Variants in FLRT2 observed in about 807,000 individuals in gnomAD.
FLRT2 encodes the protein fibronectin leucine rich transmembrane protein 2, also known as leucine-rich repeat transmembrane protein FLRT2.
In FLRT2, 15 loss-of-function variants were observed where a neutral mutation model predicts 40.0. The ratio of observed to expected loss-of-function variants is 0.38; its 90% CI spans 0.25 to 0.58. The LOEUF is 0.58. Among genes scored for constraint, FLRT2 ranks in the 20% least tolerant of loss-of-function variants. FLRT2 has a pLI of 0.71. For synonymous variants in FLRT2, 380 were observed against 336.8 expected (o/e 1.13, Z -1.41); for missense variants, 726 against 840.0 (o/e 0.86, Z 1.68).
At chr14:85,531,619 G>A (rs944561034) in intron 1 of FLRT2, among the ~76,000 whole-genome samples, 3 of 152,124 alleles carry the variant, frequency 2.0e-5, no homozygotes, top group Admixed American at 1.3e-4. Context: ...TACTGGTGGA[G>A]CTGAGGCCAC....
chr14:85,545,033 C>G (rs1285056590), intron 1 of FLRT2, among the ~76,000 whole-genome samples: 3 of 152,116 alleles, frequency 2.0e-5, no homozygotes, highest in Admixed American at 6.5e-5. Flanking sequence ...CGTGAAAAAA[C>G]ACATGAGATG....
Position 85,643,319 on chromosome 14 carries a change from C to CTTTA in FLRT2, c.*19825_*19826insATTT, listed in dbSNP as rs1566774427. 1.9e-5 allele frequency: 2 copies of CTTTA among 107,508 alleles called. No homozygotes were observed. Among genetic ancestry groups the CTTTA allele is most frequent in the African/African-American group, 4.0e-5 (1 of 24,868 alleles). 6.7% of individuals were successfully genotyped at this position (107,508 alleles called of 1,614,324 possible). A position where few individuals can be genotyped will look rare whatever the true frequency, so the allele number is the denominator to read the frequency against. On this transcript the variant is annotated 3_prime_UTR_variant, in exon 2 of 2. Transcript: ENST00000330753. ...TCTTTCTTTCTTTCTTTCTTTCTTTCTTTCTTTCTTTCTTTCTTTCTTTCT... is the reference window on the plus strand; with the variant it reads ...TCTTTCTTTCTTTCTTTCTTTCTTTCTTTATTTCTTTCTTTCTTTCTTTCTTTCT...
rs866997043 is a variant in FLRT2 at position 85,623,195 on chromosome 14, G to A, written c.1681G>A (p.Val561Ile). ...VIFVLVVLLS[V>I]FCWHMHKKGR... The stretch of plus-strand genomic sequence containing the variant: ...ATTTGTGCTGGTGGTCTTGCTCAGC[G>A]TCTTTTGCTGGCATATGCACAAAAA... Residue 561 changes from valine (V) to isoleucine (I), a missense_variant, in exon 2 of 2, where the codon GTC becomes ATC. By Grantham distance (29) the Val-to-Ile change is conservative. Coordinates refer to ENST00000330753, the MANE Select transcript of FLRT2 (RefSeq NM_013231.6). 3.2e-6 allele frequency: 5 copies of A among 1,545,254 alleles called. No individual in the cohort carries two copies. In the Middle Eastern group the frequency reaches 8.8e-4, roughly 271 times the overall value.
At chr14:85,546,967 C>G (rs1464935982) in intron 1 of FLRT2, among the ~76,000 whole-genome samples, 1 of 152,146 alleles carries the variant, frequency 6.6e-6, no homozygotes, top group Non-Finnish European at 1.5e-5. Flanking sequence ...GTCACGTGTT[C>G]TGTCACTAGT....
chr14:85,556,438 G>A (rs764656899), intron 1 of FLRT2, among the ~76,000 whole-genome samples: 6 of 152,156 alleles, frequency 3.9e-5, no homozygotes, highest in Non-Finnish European at 7.3e-5. Flanking sequence ...GCTTGCCTGG[G>A]CTTGATCTGG....
intron 1 of FLRT2, among the ~76,000 whole-genome samples, chr14:85,611,512 G>C (rs1402350469): frequency 1.3e-5 from 2 of 152,176 alleles, no homozygotes; most frequent in Non-Finnish European, 2.9e-5. Context: ...AACATGTGAA[G>C]TTGTTGCCCA....
In FLRT2 at chr14:85,569,177, T is replaced by C. The variant is rs565613944; in HGVS notation, c.-377+38643T>C. 8.5e-5 allele frequency among the ~76,000 whole-genome samples: 13 copies of C among 152,232 alleles called. No homozygotes were observed. The South Asian group carries it at 1.0e-3, about 12-fold the overall frequency. ...TTTAGCCACTCCAGATTACCATTTT[T>C]GCCTTTGAGCATTGTTCTTTAATTT... On this transcript the variant is annotated intron_variant, in intron 1 of 1. Transcript: ENST00000330753.
At position 85,652,230 on chromosome 14, in the gene FLRT2, A is replaced by C. The variant is rs1894449954; in HGVS notation, c.*28733A>C. ...ACCTTATTAGCTCAGATGATGTTTT[A>C]ATGATTTGAGTTTATGTATTATTTG... On this transcript the variant is annotated 3_prime_UTR_variant, in exon 2 of 2. Transcript: ENST00000330753. 6.6e-6 allele frequency: 1 copy of C among 152,132 alleles called. No individual in the cohort carries two copies. Among genetic ancestry groups the C allele is most frequent in the Non-Finnish European group, 1.5e-5 (1 of 67,974 alleles). The allele number at this position is 152,132 out of a possible 1,614,324, so 9.4% of individuals were successfully genotyped here.
intron 1 of FLRT2, among the ~76,000 whole-genome samples, chr14:85,599,063 T>G (rs2746995): frequency 6.6e-6 from 1 of 151,588 alleles, no homozygotes; most frequent in Non-Finnish European, 1.5e-5. Context: ...GACTACAGGC[T>G]CCCGTCATCA....
intron 1 of FLRT2, among the ~76,000 whole-genome samples, chr14:85,567,705 A>G (rs1209216162): frequency 7.4e-6 from 1 of 135,622 alleles, no homozygotes; most frequent in African/African-American, 2.8e-5. Context: ...CAGTGGCACG[A>G]TCTCTACTCA....
intron 1 of FLRT2, among the ~76,000 whole-genome samples, chr14:85,575,336 A>AT (rs796587160): frequency 0.027 from 3,977 of 146,398 alleles, 166 homozygotes; most frequent in African/African-American, 0.09. Context: ...TTCTTACAAC[A>AT]TTTTTTTTTT....
chr14:85,620,652 T>G (rs1314318345), intron 1 of FLRT2, among the ~76,000 whole-genome samples: 1 of 152,228 alleles, frequency 6.6e-6, no homozygotes, highest in African/African-American at 2.4e-5. Flanking sequence ...TAAGTGACTT[T>G]ATTAGTCTCC....
At chr14:85,591,008 A>AGTGAG (rs1891859149) in intron 1 of FLRT2, among the ~76,000 whole-genome samples, 1 of 138,950 alleles carries the variant, frequency 7.2e-6, no homozygotes, top group African/African-American at 2.9e-5. Context: ...GAGTCACTAA[A>AGTGAG]TCATTTGTAT....
chr14:85,590,579 ATTTAT>A (rs755071549), intron 1 of FLRT2, among the ~76,000 whole-genome samples: 12 of 152,058 alleles, frequency 7.9e-5, no homozygotes, highest in Non-Finnish European at 1.5e-4. Flanking sequence ...GAGTAAGGAT[ATTTAT>A]TTTATTTTAT....
chr14:85,644,786 C>T lies in FLRT2; in HGVS notation c.*21289C>T, dbSNP rs895996950. On this transcript the variant is annotated 3_prime_UTR_variant, in exon 2 of 2. Coordinates refer to ENST00000330753, the MANE Select transcript of FLRT2 (RefSeq NM_013231.6). ...AGGAAGAGTAGACTCTCTAGCTTTT[C>T]CAGGCTGTGGTCCAGGCTGCTGTCT... is the stretch of plus-strand genomic sequence containing the variant. 1.3e-5 allele frequency: 2 copies of T among 152,152 alleles called. No homozygotes were observed. The highest frequency in any genetic ancestry group is 2.9e-5 in the Non-Finnish European group (2 of 68,036). The allele number at this position is 152,152 out of a possible 1,614,324, so 9.4% of individuals were successfully genotyped here. A position where few individuals can be genotyped will look rare whatever the true frequency, so the allele number is the denominator to read the frequency against.
chr14:85,576,796 A>G lies in FLRT2; in HGVS notation c.-376-44343A>G, dbSNP rs924323677. Reference sequence around the variant, plus strand: ...ATTGGAGAAAAGGTATTGTAGACACACCTTGAAAGTATTCCAAATGTACCT... The same window carrying G: ...ATTGGAGAAAAGGTATTGTAGACACGCCTTGAAAGTATTCCAAATGTACCT... On this transcript the variant is annotated intron_variant, in intron 1 of 1. Coordinates refer to ENST00000330753, the MANE Select transcript of FLRT2 (RefSeq NM_013231.6). 1.2e-4 allele frequency among the ~76,000 whole-genome samples: 19 copies of G among 152,320 alleles called. No individual in the cohort carries two copies. The South Asian group carries it at 3.9e-3, about 32-fold the overall frequency.
chr14:85,533,351 T>C (rs1417943531), intron 1 of FLRT2, among the ~76,000 whole-genome samples: 1 of 151,866 alleles, frequency 6.6e-6, no homozygotes, highest in Non-Finnish European at 1.5e-5. Context: ...ATTGAGGCAG[T>C]AGTGTGGTCT....
chr14:85,615,505 T>A (rs1178849805), intron 1 of FLRT2, among the ~76,000 whole-genome samples: 1 of 152,174 alleles, frequency 6.6e-6, no homozygotes, highest in Non-Finnish European at 1.5e-5. Context: ...CTCTCCTTCT[T>A]TCTCCTTTCC....
intron 1 of FLRT2, among the ~76,000 whole-genome samples, chr14:85,554,891 C>T (rs1889862523): frequency 6.6e-6 from 1 of 152,084 alleles, no homozygotes; most frequent in African/African-American, 2.4e-5. Context: ...GGTAGTTTGC[C>T]GTCCTGCAGA....
Sources: allele counts gnomAD v4.1 joint callset (sites outside exome capture counted in the v4.1 genomes callset), GRCh38; gene constraint gnomAD v4.1.1; transcripts MANE v1.5; gene names NCBI Gene and HGNC (gene_info 2026-07-23, HGNC 2026-07-21).